GULP1: variants seen among roughly 807,000 people sequenced by gnomAD.
GULP1 encodes the protein GULP PTB domain containing engulfment adaptor 1, also known as PTB domain-containing engulfment adapter protein 1.
Under a neutral mutation model 40.9 loss-of-function variants are expected in GULP1, and 19 were observed. That is an observed-to-expected ratio of 0.46 (90% CI 0.32 to 0.68). GULP1 has a LOEUF of 0.68. GULP1 is among the 30% of genes least tolerant of loss of function. The probability of loss-of-function intolerance (pLI) is 0.03; values close to 1 mark genes in which losing one functional copy is unlikely to be tolerated. For synonymous variants in GULP1, 119 were observed against 117.6 expected, an observed-to-expected ratio of 1.01 and a Z score of -0.08; for missense variants, 312 against 362.2, an observed-to-expected ratio of 0.86 and a Z score of 1.12.
At chr2:188,487,658 T>C (rs2061978189) in intron 4 of GULP1, among the ~76,000 whole-genome samples, 1 of 151,790 alleles carries the variant, frequency 6.6e-6, no homozygotes, top group Admixed American at 6.6e-5. Flanking sequence ...TTGCAAACCC[T>C]TTCAAAACCA....
intron 1 of GULP1, among the ~76,000 whole-genome samples, chr2:188,366,016 G>A (rs533796511): frequency 4.1e-4 from 62 of 152,122 alleles, no homozygotes; most frequent in Non-Finnish European, 8.1e-4. Flanking sequence ...AGCAGGGAAG[G>A]AAATGATCAA....
chr2:188,408,711 A>T (rs944938386), intron 2 of GULP1, among the ~76,000 whole-genome samples: 3 of 152,308 alleles, frequency 2.0e-5, no homozygotes, highest in African/African-American at 7.2e-5. Flanking sequence ...CAGCATCAGC[A>T]TACACATTTT....
chr2:188,331,541 A>T (rs1370006139), intron 1 of GULP1, among the ~76,000 whole-genome samples: 1 of 152,174 alleles, frequency 6.6e-6, no homozygotes, highest in East Asian at 1.9e-4. Flanking sequence ...TAGATCAGGG[A>T]TGGAGTTCAG....
At chr2:188,374,658 A>G (rs1354191912) in intron 1 of GULP1, among the ~76,000 whole-genome samples, 2 of 152,084 alleles carry the variant, frequency 1.3e-5, no homozygotes, top group East Asian at 1.9e-4. Context: ...ATTCCCACTC[A>G]TAAGTGAATA....
rs558295332 is a variant in GULP1, at chr2:188,334,300, A to C, written c.-172+42134A>C. ...TTCACTATGTCACTTAGTTCCGGTA[A>C]CACCTTATCAGATACTTATAATTAT... On this transcript the variant is annotated intron_variant, in intron 1 of 11. Coordinates refer to ENST00000409830, the MANE Select transcript of GULP1 (RefSeq NM_016315.4). Among the ~76,000 whole-genome samples, 5 of 152,282 alleles carry C rather than the reference A, an allele frequency of 3.3e-5. No homozygotes were observed. The South Asian group carries it at 1.0e-3, about 32-fold the overall frequency.
At chr2:188,375,314 T>C (rs2048160215) in intron 1 of GULP1, among the ~76,000 whole-genome samples, 1 of 152,236 alleles carries the variant, frequency 6.6e-6, no homozygotes, top group South Asian at 2.1e-4. Context: ...TGTGGGAAAT[T>C]GGAAGACTGA....
chr2:188,562,979 A>ACTGAAGAACAGTAAAATACAATGTAT (rs1305734654), intron 7 of GULP1, among the ~76,000 whole-genome samples: 2 of 151,982 alleles, frequency 1.3e-5, no homozygotes, highest in Admixed American at 1.3e-4. Flanking sequence ...TTATTCTTTA[A>ACTGAAGAACAGTAAAATACAATGTAT]CTGAAGAACA....
chr2:188,524,601 TA>T (rs1418337711), intron 5 of GULP1, among the ~76,000 whole-genome samples: 3 of 138,768 alleles, frequency 2.2e-5, no homozygotes, highest in African/African-American at 5.1e-5. Context: ...TTTATATATA[TA>T]TATTTTTTTT....
chr2:188,491,886 T>C (rs1249457205), intron 4 of GULP1, among the ~76,000 whole-genome samples: 2 of 152,158 alleles, frequency 1.3e-5, no homozygotes, highest in African/African-American at 4.8e-5. Flanking sequence ...CTGTTATGCA[T>C]ATTTTTACAT....
At position 188,409,179 on chromosome 2, in the gene GULP1, A is replaced by G. The variant is rs564729513; in HGVS notation, c.-45+25290A>G. 2.6e-5 allele frequency among the ~76,000 whole-genome samples: 4 copies of G among 152,298 alleles called. No homozygotes were observed. The East Asian group carries it at 7.7e-4, about 29-fold the overall frequency. ...GGAGAATAGGACAACAATAACAAAG[A>G]GCAACAAACTAAGAGTTGTTTGTAG... On this transcript the variant is annotated intron_variant, in intron 2 of 11. Transcript: ENST00000409830.
chr2:188,432,459 T>G (rs988551682), intron 2 of GULP1, among the ~76,000 whole-genome samples: 1 of 151,960 alleles, frequency 6.6e-6, no homozygotes, highest in African/African-American at 2.4e-5. Context: ...AGGTTAAATA[T>G]ATGGTTTTTA....
At chr2:188,492,866 G>A (rs190742665) in intron 4 of GULP1, among the ~76,000 whole-genome samples, 16 of 152,076 alleles carry the variant, frequency 1.1e-4, no homozygotes, top group African/African-American at 3.6e-4. Context: ...TTCCTTAATA[G>A]CACATTTCAA....
chr2:188,446,534 A>G (rs1030227647), intron 2 of GULP1, among the ~76,000 whole-genome samples: 2 of 152,086 alleles, frequency 1.3e-5, no homozygotes, highest in Non-Finnish European at 2.9e-5. Context: ...CTCTGAGTTC[A>G]ACTTTGCTTT....
chr2:188,337,055 C>T (rs895030319), intron 1 of GULP1, among the ~76,000 whole-genome samples: 7 of 152,056 alleles, frequency 4.6e-5, no homozygotes, highest in African/African-American at 1.7e-4. Context: ...AGAATAGAAA[C>T]CAGAAACTTG....
intron 9 of GULP1, among the ~76,000 whole-genome samples, chr2:188,583,788 T>G (rs1340377889): frequency 6.6e-6 from 1 of 152,110 alleles, no homozygotes; most frequent in South Asian, 2.1e-4. Flanking sequence ...CTTTTGAGAA[T>G]GCAAAAAAAA....
chr2:188,534,831 T>C (rs1688496588), intron 6 of GULP1, among the ~76,000 whole-genome samples: 1 of 152,048 alleles, frequency 6.6e-6, no homozygotes, highest in African/African-American at 2.4e-5. Flanking sequence ...ATATCAAATC[T>C]GCATGCTTCT....
intron 9 of GULP1, chr2:188,582,612 G>C (rs561455967): frequency 4.6e-5 from 20 of 432,322 alleles, no homozygotes; most frequent in South Asian, 3.4e-4. Context: ...CACTTATTTT[G>C]CTTAAATTCT....
At chr2:188,593,859 T>G in intron 11 of GULP1, 81 bp from the exon 12 acceptor site, 3 of 790,282 alleles carry the variant, frequency 3.8e-6, no homozygotes, top group Non-Finnish European at 6.6e-6. Context: ...TATTTCAACT[T>G]TAGTGCATAG....
chr2:188,589,994 G>A (rs535757668), intron 11 of GULP1: 1 of 237,238 alleles, frequency 4.2e-6, no homozygotes, highest in Admixed American at 5.8e-5. Flanking sequence ...TTGAGGCAGA[G>A]TCTCACTCTA....
Sources: allele counts gnomAD v4.1 joint callset (sites outside exome capture counted in the v4.1 genomes callset), GRCh38; gene constraint gnomAD v4.1.1; transcripts MANE v1.5; gene names NCBI Gene and HGNC (gene_info 2026-07-23, HGNC 2026-07-21).